Variants in WWC2 observed in about 807,000 individuals in gnomAD.
WWC2 encodes the protein protein WWC2.
A neutral mutation model predicts 138.5 loss-of-function variants in WWC2; 101 were observed. The ratio of observed to expected loss-of-function variants is 0.73; its 90% CI spans 0.62 to 0.86. The LOEUF (loss-of-function observed/expected upper bound fraction) is 0.86, where lower values mean the gene tolerates loss of function less well. WWC2 is among the 40% of genes least tolerant of loss of function. The pLI, the probability that WWC2 is intolerant of heterozygous loss-of-function variation, is 0.00. For missense variants in WWC2, 1,420 were observed against 1,419.4 expected (o/e 1.00, Z -0.01); for synonymous variants, 558 against 538.4 (o/e 1.04, Z -0.50).
intron 2 of WWC2, among the ~76,000 whole-genome samples, chr4:183,196,204 AC>A (rs1488698914): frequency 1.3e-5 from 2 of 152,078 alleles, no homozygotes; most frequent in Admixed American, 1.3e-4. Context: ...AGTTAATTAA[AC>A]CTCTTTTCTT....
chr4:183,183,324 C>T (rs1411962859), intron 1 of WWC2, among the ~76,000 whole-genome samples: 1 of 152,124 alleles, frequency 6.6e-6, no homozygotes, highest in South Asian at 2.1e-4. Context: ...AGCTGTTTTT[C>T]CCTAACAGTC....
chr4:183,114,388 G>T (rs1357407457), intron 1 of WWC2, among the ~76,000 whole-genome samples: 6 of 152,112 alleles, frequency 3.9e-5, no homozygotes, highest in African/African-American at 1.4e-4. Context: ...GGTGCTTATA[G>T]CAATGCAAGA....
intron 1 of WWC2, among the ~76,000 whole-genome samples, chr4:183,168,225 G>A (rs1173811925): frequency 3.5e-5 from 5 of 144,560 alleles, no homozygotes; most frequent in Non-Finnish European, 7.5e-5. Flanking sequence ...TAACTACTGC[G>A]AGATACAAAA....
chr4:183,207,988 AG>A lies in WWC2; in HGVS notation c.283del (p.Glu95AsnfsTer26). 4 of 1,612,672 alleles carry A rather than the reference AG, an allele frequency of 2.5e-6. No homozygotes were observed. The highest frequency in any genetic ancestry group is 3.4e-6 in the Non-Finnish European group (4 of 1,179,230). Reference protein sequence around the residue: ...TQIEDPRKQWRGEQEKMLKDY... With the variant: ...TQIEDPRKQWXGEQEKMLKDY... ...GATAGAAGATCCAAGAAAACAATGG[AG>A]GGGGGAACAGGAGAAGATGCTCAAG... On this transcript the variant is annotated frameshift_variant, in exon 3 of 23. Coordinates refer to ENST00000403733, the MANE Select transcript of WWC2 (RefSeq NM_024949.6). LOFTEE classifies it high-confidence loss of function.
chr4:183,227,042 G>A (rs1281498282), intron 4 of WWC2, among the ~76,000 whole-genome samples: 3 of 152,000 alleles, frequency 2.0e-5, no homozygotes, highest in Non-Finnish European at 4.4e-5. Flanking sequence ...TGGGGACTCA[G>A]ACAGTCACTA....
chr4:183,158,823 T>C (rs1336119575), intron 1 of WWC2, among the ~76,000 whole-genome samples: 1 of 152,144 alleles, frequency 6.6e-6, no homozygotes, highest in African/African-American at 2.4e-5. Flanking sequence ...GAAGTTTGCT[T>C]GTGGGAGTGG....
intron 1 of WWC2, among the ~76,000 whole-genome samples, chr4:183,128,897 A>T (rs1257461435): frequency 6.6e-6 from 1 of 152,228 alleles, no homozygotes; most frequent in Non-Finnish European, 1.5e-5. Context: ...CTTATGAAGA[A>T]CACAGTGAAA....
intron 4 of WWC2, among the ~76,000 whole-genome samples, chr4:183,230,374 A>C (rs1736206884): frequency 1.3e-5 from 2 of 150,852 alleles, no homozygotes; most frequent in South Asian, 4.1e-4. Context: ...AAGATAAATA[A>C]AATTAAAAGC....
intron 21 of WWC2, among the ~76,000 whole-genome samples, chr4:183,303,545 T>C (rs1738928660): frequency 6.6e-6 from 1 of 152,218 alleles, no homozygotes; most frequent in Admixed American, 6.5e-5. Context: ...CACCGTGAAT[T>C]ACATAACTTT....
rs780740914 is a variant in WWC2, at chr4:183,207,959, C to A, written c.248C>A (p.Thr83Lys). 6.2e-7 allele frequency: 1 copy of A among 1,606,894 alleles called. No individual in the cohort carries two copies. The highest frequency in any genetic ancestry group is 8.5e-7 in the Non-Finnish European group (1 of 1,176,374). ...CTCCACCTAATGTTTTCAGAAACCA[C>A]GCAGATAGAAGATCCAAGAAAACAA... is the stretch of plus-strand genomic sequence containing the variant. ...VYYIDHINKT[T>K]QIEDPRKQWR... is the part of the protein sequence containing the mutation. The change falls in exon 3 of 23, where the codon ACG becomes AAG. Residue 83 changes from threonine to lysine, a missense_variant. Coordinates refer to ENST00000403733, the MANE Select transcript of WWC2 (RefSeq NM_024949.6).
At chr4:183,113,012 C>T (rs760809473) in intron 1 of WWC2, among the ~76,000 whole-genome samples, 15 of 152,106 alleles carry the variant, frequency 9.9e-5, no homozygotes, top group South Asian at 6.3e-4. Flanking sequence ...GTGGCTCATG[C>T]GTGTAATCCC....
chr4:183,298,029 A>G (rs1738697155), intron 21 of WWC2, among the ~76,000 whole-genome samples: 1 of 152,246 alleles, frequency 6.6e-6, no homozygotes, highest in Non-Finnish European at 1.5e-5. Context: ...CAGACCCTGC[A>G]GAGTTGATGA....
At chr4:183,174,180 G>A (rs1734383738) in intron 1 of WWC2, among the ~76,000 whole-genome samples, 1 of 152,184 alleles carries the variant, frequency 6.6e-6, no homozygotes, top group Non-Finnish European at 1.5e-5. Context: ...CCTTTCAGCA[G>A]TCCGAGCCAC....
At chr4:183,193,519 C>A in intron 1 of WWC2, 80 bp from the exon 2 acceptor site, 2 of 1,231,124 alleles carry the variant, frequency 1.6e-6, no homozygotes, top group Non-Finnish European at 2.4e-6. Flanking sequence ...AACCTAGACA[C>A]TTGTGGTTAG....
chr4:183,245,828 A>T lies in WWC2; in HGVS notation c.732+283A>T, dbSNP rs539821971. Among the ~76,000 whole-genome samples the T allele has an allele frequency of 8.5e-5, 13 of 152,300 alleles. No homozygotes were observed. The South Asian group carries it at 2.7e-3, about 32-fold the overall frequency. ...GCCTGGAGCTCATGTGAGGAGATTA[A>T]CATCTTGGTGCACCCTGAAACTCAC... is the stretch of plus-strand genomic sequence containing the variant. On this transcript the variant is annotated intron_variant, in intron 6 of 22. Transcript: ENST00000403733.
At chr4:183,135,504 C>T (rs1733082389) in intron 1 of WWC2, among the ~76,000 whole-genome samples, 2 of 151,736 alleles carry the variant, frequency 1.3e-5, no homozygotes, top group South Asian at 2.1e-4. Flanking sequence ...CTTAAAGTAT[C>T]CTTTCCCAAT....
chr4:183,220,090 G>A (rs943027783), intron 4 of WWC2, among the ~76,000 whole-genome samples: 1 of 152,150 alleles, frequency 6.6e-6, no homozygotes, highest in South Asian at 2.1e-4. Flanking sequence ...GGAAGAAACT[G>A]AGAGCAACCT....
intron 1 of WWC2, among the ~76,000 whole-genome samples, chr4:183,124,647 T>A (rs1732706603): frequency 1.3e-5 from 2 of 150,818 alleles, no homozygotes; most frequent in Non-Finnish European, 3.0e-5. Context: ...TGGAGTGCAG[T>A]GGCATGATCT....
At chr4:183,150,771 C>A (rs1156471217) in intron 1 of WWC2, among the ~76,000 whole-genome samples, 2 of 152,062 alleles carry the variant, frequency 1.3e-5, no homozygotes, top group Non-Finnish European at 2.9e-5. Flanking sequence ...TGAGTGAGAA[C>A]ATGCAGTGTT....
Sources: gnomAD v4.1 joint callset for allele counts (sites outside exome capture counted in the v4.1 genomes callset) on GRCh38, gnomAD v4.1.1 for gene constraint, MANE v1.5 for transcripts, NCBI Gene and HGNC (gene_info 2026-07-23, HGNC 2026-07-21) for gene names.